SGCZ: variants seen among roughly 807,000 people sequenced by gnomAD.
SGCZ encodes the protein sarcoglycan zeta.
Under a neutral mutation model 41.3 loss-of-function variants are expected in SGCZ, and 40 were observed. That is an observed-to-expected ratio of 0.97 (90% confidence interval 0.75 to 1.26). The LOEUF is 1.26. Ranked by LOEUF, SGCZ falls within the 50% of genes most tolerant of loss-of-function variation. The probability of loss-of-function intolerance (pLI) is 0.00; values close to 1 mark genes in which losing one functional copy is unlikely to be tolerated. For missense variants in SGCZ, 552 were observed against 369.8 expected (o/e 1.49, Z -4.04); for synonymous variants, 206 against 137.5 (o/e 1.50, Z -3.49).
intron 1 of SGCZ, among the ~76,000 whole-genome samples, chr8:14,652,557 C>G (rs2117459534): frequency 6.6e-6 from 1 of 152,034 alleles, no homozygotes; most frequent in East Asian, 1.9e-4. Flanking sequence ...TGAATTCCGA[C>G]AGCAAGAATT....
At chr8:14,469,503 C>T (rs1801148807) in intron 2 of SGCZ, among the ~76,000 whole-genome samples, 1 of 151,958 alleles carries the variant, frequency 6.6e-6, no homozygotes, top group Admixed American at 6.6e-5. Flanking sequence ...ATGAGTGTGG[C>T]ATTATAAAAT....
rs143751445 is a variant in SGCZ, at chr8:15,176,967, C to T, written c.39+60618G>A. 3.1e-3 allele frequency among the ~76,000 whole-genome samples: 467 copies of T among 152,112 alleles called. 1 individual carries two copies. Among genetic ancestry groups the T allele is most frequent in the African/African-American group, 0.011 (452 of 41,496 alleles). On this transcript the variant is annotated intron_variant, in intron 1 of 7. Coordinates refer to ENST00000382080, the MANE Select transcript of SGCZ (RefSeq NM_139167.4). ...AGTGAGTAGAGATCACGCCACTGCA[C>T]TCCAGCCTGGGCAACAGAGCGAGAC...
intron 1 of SGCZ, among the ~76,000 whole-genome samples, chr8:14,639,885 C>T (rs148562580): frequency 2.6e-5 from 4 of 151,568 alleles, no homozygotes; most frequent in Non-Finnish European, 5.9e-5. Flanking sequence ...TCAATATCTC[C>T]CTACCTCCTG....
chr8:15,040,159 G>C (rs1804036795), intron 1 of SGCZ, among the ~76,000 whole-genome samples: 1 of 152,134 alleles, frequency 6.6e-6, no homozygotes, highest in African/African-American at 2.4e-5. Flanking sequence ...AGATCTAATA[G>C]TACTCAACAA....
chr8:14,811,646 T>A (rs1194506486), intron 1 of SGCZ, among the ~76,000 whole-genome samples: 1 of 144,512 alleles, frequency 6.9e-6, no homozygotes, highest in Non-Finnish European at 1.5e-5. Context: ...TTTCATAGAA[T>A]CTGGAGAACA....
intron 1 of SGCZ, among the ~76,000 whole-genome samples, chr8:14,802,134 T>C (rs1037812743): frequency 2.0e-5 from 3 of 152,060 alleles, no homozygotes; most frequent in African/African-American, 7.3e-5. Context: ...AAATCTTGAG[T>C]TGAATTTGAC....
At chr8:14,663,261 A>T (rs1807812744) in intron 1 of SGCZ, among the ~76,000 whole-genome samples, 1 of 152,216 alleles carries the variant, frequency 6.6e-6, no homozygotes, top group Non-Finnish European at 1.5e-5. Flanking sequence ...TTTCACAAAA[A>T]AACCTAGCAC....
At chr8:14,476,369 C>A (rs149870056) in intron 2 of SGCZ, among the ~76,000 whole-genome samples, 2 of 152,156 alleles carry the variant, frequency 1.3e-5, no homozygotes, top group African/African-American at 4.8e-5. Flanking sequence ...TGAATATGAG[C>A]TGATTCCCAT....
chr8:14,759,874 G>C (rs1404748356), intron 1 of SGCZ, among the ~76,000 whole-genome samples: 2 of 152,124 alleles, frequency 1.3e-5, no homozygotes, highest in African/African-American at 4.8e-5. Flanking sequence ...TTCACCATGT[G>C]GCCCAGGTTC....
At chr8:14,229,299 A>G (rs1442384678) in intron 4 of SGCZ, among the ~76,000 whole-genome samples, 1 of 152,098 alleles carries the variant, frequency 6.6e-6, no homozygotes, top group East Asian at 1.9e-4. Context: ...CTTTGATACA[A>G]CTTTTCAAAA....
intron 2 of SGCZ, among the ~76,000 whole-genome samples, chr8:14,356,266 G>A (rs1392629987): frequency 2.6e-5 from 4 of 152,080 alleles, no homozygotes; most frequent in Non-Finnish European, 1.5e-5. Flanking sequence ...CTTAACAGTG[G>A]GTTTATTGGA....
At chr8:14,525,652 T>C (rs547845314) in intron 2 of SGCZ, among the ~76,000 whole-genome samples, 47 of 152,074 alleles carry the variant, frequency 3.1e-4, no homozygotes, top group Non-Finnish European at 6.3e-4. Flanking sequence ...AAAGAAAACA[T>C]TAACACACTA....
At chr8:14,929,638 C>G (rs1485874982) in intron 1 of SGCZ, among the ~76,000 whole-genome samples, 1 of 151,996 alleles carries the variant, frequency 6.6e-6, no homozygotes, top group Non-Finnish European at 1.5e-5. Context: ...CCATTAGTCT[C>G]TATATCTGCA....
At chr8:14,863,401 T>A (rs904634538) in intron 1 of SGCZ, among the ~76,000 whole-genome samples, 1 of 152,126 alleles carries the variant, frequency 6.6e-6, no homozygotes, top group Non-Finnish European at 1.5e-5. Flanking sequence ...CATAGCTCAC[T>A]GCAGCCTCGA....
intron 1 of SGCZ, among the ~76,000 whole-genome samples, chr8:14,557,304 G>C (rs577914568): frequency 6.6e-6 from 1 of 151,358 alleles, no homozygotes; most frequent in African/African-American, 2.4e-5. Context: ...CTTTGTTTGA[G>C]TTCCTAGTAG....
intron 1 of SGCZ, among the ~76,000 whole-genome samples, chr8:15,074,740 T>C (rs909652180): frequency 2.0e-5 from 3 of 152,186 alleles, no homozygotes; most frequent in East Asian, 1.9e-4. Context: ...TTGTCATCTA[T>C]TGACAATGTT....
At chr8:14,486,330 T>A (rs900460600) in intron 2 of SGCZ, among the ~76,000 whole-genome samples, 1 of 152,008 alleles carries the variant, frequency 6.6e-6, no homozygotes, top group East Asian at 1.9e-4. Flanking sequence ...TAAATACGGG[T>A]GTCTGGGAGA....
At chr8:14,420,114 G>C (rs1394197564) in intron 2 of SGCZ, among the ~76,000 whole-genome samples, 1 of 151,950 alleles carries the variant, frequency 6.6e-6, no homozygotes, top group African/African-American at 2.4e-5. Flanking sequence ...AATCCAGCCT[G>C]TTAAACTGCA....
At chr8:14,705,975 TG>T (rs1809320568) in intron 1 of SGCZ, among the ~76,000 whole-genome samples, 2 of 151,984 alleles carry the variant, frequency 1.3e-5, no homozygotes, top group Admixed American at 1.3e-4. Context: ...ATTTGTTGAA[TG>T]AATAGCTTAG....
Sources: gnomAD v4.1 joint callset for allele counts (sites outside exome capture counted in the v4.1 genomes callset) on GRCh38, gnomAD v4.1.1 for gene constraint, MANE v1.5 for transcripts, NCBI Gene and HGNC (gene_info 2026-07-23, HGNC 2026-07-21) for gene names.